The following BAZ1A variants were observed in gnomAD, a reference collection of about 807,000 sequenced individuals.
BAZ1A encodes the protein bromodomain adjacent to zinc finger domain protein 1A.
Under a neutral mutation model 185.2 loss-of-function variants are expected in BAZ1A, and 50 were observed. That is an observed-to-expected ratio of 0.27 (90% confidence interval 0.22 to 0.34). BAZ1A has a LOEUF of 0.34. BAZ1A is among the 10% of genes least tolerant of loss of function. The pLI, the probability that BAZ1A is intolerant of heterozygous loss-of-function variation, is 1.00. For synonymous variants in BAZ1A, 571 were observed against 615.6 expected (o/e 0.93, Z 1.07); for missense variants, 1,356 against 1,839.9 (o/e 0.74, Z 4.81).
intron 16 of BAZ1A, among the ~76,000 whole-genome samples, chr14:34,780,978 G>A (rs989522077): frequency 1.3e-5 from 2 of 152,150 alleles, no homozygotes; most frequent in African/African-American, 4.8e-5. Flanking sequence ...GCTTAGAGTA[G>A]AAGGAGAGAA....
intron 3 of BAZ1A, among the ~76,000 whole-genome samples, chr14:34,839,569 C>T (rs1256903275): frequency 7.6e-5 from 11 of 144,230 alleles, no homozygotes; most frequent in African/African-American, 2.6e-4. Context: ...GTAGGCCAGG[C>T]GTGGTGGCTC....
chr14:34,875,340 G>C lies in BAZ1A; in HGVS notation c.-261C>G, dbSNP rs1386722473. 5 of 456,092 alleles carry C rather than the reference G, an allele frequency of 1.1e-5. No homozygotes were observed. The highest frequency in any genetic ancestry group is 7.0e-5 in the Admixed American group (3 of 42,584). 28.3% of individuals were successfully genotyped at this position (456,092 alleles called of 1,614,324 possible). On this transcript the variant is annotated 5_prime_UTR_variant, in exon 1 of 27. It adds an upstream start codon to the 5' untranslated region. Transcript: ENST00000360310. ...CTCTCGGAGCTCCTGGGAAGTTTCT[G>C]ATCTACTTTCGGCTCTGAAGGAGGA...
intron 3 of BAZ1A, among the ~76,000 whole-genome samples, chr14:34,845,051 A>G (rs2138771742): frequency 6.6e-6 from 1 of 152,208 alleles, no homozygotes; most frequent in South Asian, 2.1e-4. Context: ...GACAAAGACC[A>G]TATGGACCAC....
chr14:34,763,702 T>C (rs376427404), intron 23 of BAZ1A, among the ~76,000 whole-genome samples: 22 of 152,338 alleles, frequency 1.4e-4, no homozygotes, highest in African/African-American at 4.8e-4. Context: ...GAGCTCATTT[T>C]TTATCTCTCT....
chr14:34,795,162 A>T (rs922859746), intron 10 of BAZ1A, among the ~76,000 whole-genome samples: 3 of 152,168 alleles, frequency 2.0e-5, no homozygotes, highest in Non-Finnish European at 4.4e-5. Context: ...GGCTGAGTGT[A>T]TTTCTGACTA....
At position 34,826,114 on chromosome 14, in the gene BAZ1A, T is replaced by A. The variant is rs138598737; in HGVS notation, c.435A>T (p.Gln145His). The stretch of plus-strand genomic sequence containing the variant: ...TAACATGTCCATTAGCAAAACCATT[T>A]TGATGTGATGGAGGGAGGACTTCCA... ...RILEVLPPSH[Q>H]NGFANGHVNS... The change falls in exon 4 of 27, where the codon CAA (glutamine) becomes CAT (histidine). Residue 145 changes from glutamine (Q) to histidine (H), a missense_variant. Gln to His is a conservative substitution (Grantham distance 24, BLOSUM62 0). Transcript: ENST00000360310. 1.2e-6 allele frequency: 2 copies of A among 1,612,886 alleles called. No homozygotes were observed. Among genetic ancestry groups the A allele is most frequent in the Non-Finnish European group, 1.7e-6 (2 of 1,179,512 alleles).
Position 34,776,546 on chromosome 14 carries a change from T to A in BAZ1A, c.2237-31A>T, listed in dbSNP as rs928745777. ...ATTAAAATAAAATGTTTCATCATCA[T>A]CATATTTCAAGTTTCCATTAGAAAA... On this transcript the variant is annotated intron_variant, in intron 17 of 26. Coordinates refer to ENST00000360310, the MANE Select transcript of BAZ1A (RefSeq NM_013448.3). 4.0e-6 allele frequency: 6 copies of A among 1,514,454 alleles called. No individual in the cohort carries two copies. In the African/African-American group the frequency reaches 8.4e-5, roughly 21 times the overall value. The allele number at this position is 1,514,454 out of a possible 1,614,324, so 93.8% of individuals were successfully genotyped here.
intron 3 of BAZ1A, among the ~76,000 whole-genome samples, chr14:34,844,078 C>T (rs1304737269): frequency 1.3e-5 from 2 of 150,644 alleles, no homozygotes; most frequent in South Asian, 2.1e-4. Context: ...TGGTAGCGGG[C>T]GCCTGTAGTC....
chr14:34,757,538 C>T (rs1470409820), intron 25 of BAZ1A, among the ~76,000 whole-genome samples: 1 of 135,034 alleles, frequency 7.4e-6, no homozygotes, highest in Non-Finnish European at 1.6e-5. Flanking sequence ...GGTGGCAGGC[C>T]CCTGTAATCC....
At position 34,753,547 on chromosome 14, in the gene BAZ1A, T is replaced by G; in HGVS notation, c.4632A>C (p.Gln1544His). The G allele has an allele frequency of 6.2e-7, 1 of 1,614,142 alleles. No homozygotes were observed. Among genetic ancestry groups the G allele is most frequent in the South Asian group, 1.1e-5 (1 of 91,088 alleles). Reference protein sequence around the residue: ...GLHVTPSNVDQVSTPPAAKKS... With the variant: ...GLHVTPSNVDHVSTPPAAKKS... ...TTTTCGCAGCCGGTGGTGTGCTAAC[T>G]TGGTCCACATTACTGGGTGTGACGT... The change falls in exon 27 of 27, where the codon CAA becomes CAC. Residue 1544 changes from glutamine to histidine, a missense_variant. Transcript: ENST00000360310.
rs754925545 is a variant in BAZ1A at position 34,792,894 on chromosome 14, T to C, written c.1391A>G (p.Asn464Ser). The C allele has an allele frequency of 2.9e-5, 46 of 1,612,716 alleles. No homozygotes were observed. The highest frequency in any genetic ancestry group is 8.8e-5 in the South Asian group (8 of 90,662). Residue 464 changes from asparagine (N) to serine (S), a missense_variant, in exon 12 of 27, where the codon AAT becomes AGT. This residue lies in a region of BAZ1A where 184 missense variants were observed against 355.1 expected (regional missense o/e 0.52). Coordinates refer to ENST00000360310, the MANE Select transcript of BAZ1A (RefSeq NM_013448.3). ...LEVLEEALVG[N>S]DSEGPLCELL... ...TTCACACAGTGGGCCTTCACTGTCATTTCCTACAAGAGCTTCCTCTAATAC... is the reference window on the plus strand; with the variant it reads ...TTCACACAGTGGGCCTTCACTGTCACTTCCTACAAGAGCTTCCTCTAATAC...
intron 3 of BAZ1A, among the ~76,000 whole-genome samples, chr14:34,852,911 G>A (rs2042619014): frequency 6.6e-6 from 1 of 152,124 alleles, no homozygotes; most frequent in South Asian, 2.1e-4. Flanking sequence ...AGTCCTCCTT[G>A]AATCTAAATC....
intron 3 of BAZ1A, among the ~76,000 whole-genome samples, chr14:34,834,346 AC>A (rs1385021000): frequency 6.6e-6 from 1 of 152,174 alleles, no homozygotes; most frequent in Non-Finnish European, 1.5e-5. Context: ...TGAGGCAAAT[AC>A]AGGGTAAATG....
At chr14:34,850,833 G>A (rs1263205420) in intron 3 of BAZ1A, among the ~76,000 whole-genome samples, 1 of 152,010 alleles carries the variant, frequency 6.6e-6, no homozygotes, top group Non-Finnish European at 1.5e-5. Context: ...GACTTTCACA[G>A]ACCCGGAAGA....
At chr14:34,762,329 C>T (rs938184133) in intron 23 of BAZ1A, 106 bp from the exon 24 acceptor site, 4 of 1,052,986 alleles carry the variant, frequency 3.8e-6, no homozygotes, top group Non-Finnish European at 5.5e-6. Context: ...TACAAATTTT[C>T]TATATAACTG....
chr14:34,804,132 G>A (rs964126190), intron 6 of BAZ1A, among the ~76,000 whole-genome samples: 2 of 152,076 alleles, frequency 1.3e-5, no homozygotes, highest in South Asian at 2.1e-4. Flanking sequence ...CTCAGTCTCC[G>A]GAGTAGCTGA....
chr14:34,839,994 A>G (rs2042390179), intron 3 of BAZ1A, among the ~76,000 whole-genome samples: 1 of 152,168 alleles, frequency 6.6e-6, no homozygotes, highest in Non-Finnish European at 1.5e-5. Context: ...GATTTTTAAA[A>G]TAAGAGTGAA....
intron 18 of BAZ1A, among the ~76,000 whole-genome samples, chr14:34,775,008 A>T (rs1480479040): frequency 6.6e-6 from 1 of 152,174 alleles, no homozygotes; most frequent in African/African-American, 2.4e-5. Flanking sequence ...TGAGGTCAGG[A>T]GTTTGAGACC....
Position 34,764,931 on chromosome 14 carries a change from A to C in BAZ1A, c.3552T>G (p.Thr1184=), listed in dbSNP as rs768635358. The C allele has an allele frequency of 1.4e-5, 22 of 1,613,978 alleles. No homozygotes were observed. The highest frequency in any genetic ancestry group is 1.8e-5 in the Non-Finnish European group (21 of 1,180,010). The change falls in exon 23 of 27, where the codon ACT becomes ACG. Residue 1184 remains threonine, a splice_region_variant and synonymous_variant. Coordinates refer to ENST00000360310, the MANE Select transcript of BAZ1A (RefSeq NM_013448.3). Reference sequence around the variant, plus strand: ...GACAAAACCAGTCTCCTTCAGGCACAGTCTGAAAAAATCACATAAATGATC... The same window carrying C: ...GACAAAACCAGTCTCCTTCAGGCACCGTCTGAAAAAATCACATAAATGATC... The part of the protein sequence containing the change: ...HTYCVRPKLK[T]VPEGDWFCPE...
Sources: gnomAD v4.1 joint callset for allele counts (sites outside exome capture counted in the v4.1 genomes callset) on GRCh38, gnomAD v4.1.1 for gene constraint, gnomAD v4.1.1 regional missense constraint, MANE v1.5 for transcripts, NCBI Gene and HGNC (gene_info 2026-07-23, HGNC 2026-07-21) for gene names.